The following ATP8A2 variants were observed in gnomAD, a reference collection of about 807,000 sequenced individuals.
ATP8A2 encodes the protein ATPase phospholipid transporting 8A2.
In ATP8A2, 100 loss-of-function variants were observed where a neutral mutation model predicts 165.6. That is an observed-to-expected ratio of 0.60 (90% CI 0.51 to 0.71). The LOEUF is 0.71. Among genes scored for constraint, ATP8A2 ranks in the 30% least tolerant of loss-of-function variants. The pLI is 0.00. For missense variants in ATP8A2, 1,227 were observed against 1,479.5 expected (o/e 0.83, Z 2.80); for synonymous variants, 543 against 548.8 (o/e 0.99, Z 0.15).
chr13:25,629,947 C>G (rs139197224), intron 24 of ATP8A2, among the ~76,000 whole-genome samples: 2 of 152,164 alleles, frequency 1.3e-5, no homozygotes, highest in Non-Finnish European at 2.9e-5. Flanking sequence ...GCAAAGTCAA[C>G]GACTTTAGAG....
intron 1 of ATP8A2, among the ~76,000 whole-genome samples, chr13:25,403,150 G>C (rs369931442): frequency 6.6e-6 from 1 of 152,092 alleles, no homozygotes. Flanking sequence ...CAAGCATTCC[G>C]ACCACAGCAC....
rs2037999165 is a variant in ATP8A2 at position 25,530,576 on chromosome 13, A to G, written c.336A>G (p.Val112=). ...FIALLQQIPD[V]SPTGRYTTLV... ...TTATCTTCCAGCAAATTCCAGATGT[A>G]TCTCCAACAGGAAGATATACCACCC... Residue 112 remains valine (V), a synonymous_variant, in exon 4 of 37, where the codon GTA becomes GTG. Coordinates refer to ENST00000381655, the MANE Select transcript of ATP8A2 (RefSeq NM_016529.6). 3 of 1,579,472 alleles carry G rather than the reference A, an allele frequency of 1.9e-6. No homozygotes were observed. Among genetic ancestry groups the G allele is most frequent in the South Asian group, 2.3e-5 (2 of 87,072 alleles).
At chr13:25,846,846 T>G (rs1333626476) in intron 30 of ATP8A2, among the ~76,000 whole-genome samples, 1 of 152,168 alleles carries the variant, frequency 6.6e-6, no homozygotes, top group Non-Finnish European at 1.5e-5. Flanking sequence ...AATAATCCCC[T>G]TCTCCACCTG....
At chr13:25,509,120 G>A (rs1234174387) in intron 2 of ATP8A2, among the ~76,000 whole-genome samples, 2 of 152,124 alleles carry the variant, frequency 1.3e-5, no homozygotes, top group East Asian at 3.9e-4. Context: ...GTTATGATAT[G>A]GTGTAGCATT....
chr13:25,563,224 A>T (rs968796009), intron 15 of ATP8A2, among the ~76,000 whole-genome samples: 2 of 152,182 alleles, frequency 1.3e-5, no homozygotes. Context: ...AGCCTGACCG[A>T]CATGGCAAAA....
chr13:25,886,706 C>T (rs1198777493), intron 33 of ATP8A2, among the ~76,000 whole-genome samples: 3 of 152,212 alleles, frequency 2.0e-5, no homozygotes, highest in African/African-American at 7.2e-5. Flanking sequence ...TTCGTGCCAT[C>T]TGATAGCTGT....
intron 6 of ATP8A2, among the ~76,000 whole-genome samples, chr13:25,535,174 A>G (rs527669175): frequency 6.6e-6 from 1 of 152,304 alleles, no homozygotes; most frequent in South Asian, 2.1e-4. Flanking sequence ...GAGTAGTTCA[A>G]TGTGAGGATG....
chr13:25,461,590 C>T (rs1322720298), intron 1 of ATP8A2, among the ~76,000 whole-genome samples: 1 of 152,118 alleles, frequency 6.6e-6, no homozygotes. Flanking sequence ...ACATACTTTT[C>T]AAGTACCTAA....
intron 24 of ATP8A2, among the ~76,000 whole-genome samples, chr13:25,628,080 A>G (rs981300663): frequency 2.0e-5 from 3 of 152,132 alleles, no homozygotes; most frequent in African/African-American, 7.2e-5. Context: ...TCATTCTCCC[A>G]CTTTACTGTT....
chr13:25,998,676 C>T (rs1186459373), intron 35 of ATP8A2, among the ~76,000 whole-genome samples: 2 of 152,108 alleles, frequency 1.3e-5, no homozygotes, highest in African/African-American at 4.8e-5. Context: ...CTCTCCAGTG[C>T]CCAGTTTTTA....
chr13:25,858,495 C>G (rs1476049929), intron 30 of ATP8A2, among the ~76,000 whole-genome samples: 4 of 152,204 alleles, frequency 2.6e-5, no homozygotes, highest in Non-Finnish European at 5.9e-5. Flanking sequence ...TTCATCTTCC[C>G]TTATCCACAG....
intron 1 of ATP8A2, among the ~76,000 whole-genome samples, chr13:25,395,520 G>A (rs570857509): frequency 4.6e-4 from 70 of 152,214 alleles, no homozygotes; most frequent in African/African-American, 1.5e-3. Context: ...AAAAGATAAA[G>A]GAAAATTGTC....
chr13:25,499,081 G>GC (rs2036769129), intron 2 of ATP8A2, among the ~76,000 whole-genome samples: 2 of 152,148 alleles, frequency 1.3e-5, no homozygotes, highest in Non-Finnish European at 2.9e-5. Context: ...GGGGATAACT[G>GC]CCCCCAAGAT....
intron 33 of ATP8A2, among the ~76,000 whole-genome samples, chr13:25,864,026 C>A (rs947582076): frequency 6.6e-6 from 1 of 152,178 alleles, no homozygotes; most frequent in African/African-American, 2.4e-5. Context: ...TGTGATTGAT[C>A]CCCACAAAAA....
At chr13:25,460,672 A>AAGACT (rs2035480361) in intron 1 of ATP8A2, among the ~76,000 whole-genome samples, 1 of 152,210 alleles carries the variant, frequency 6.6e-6, no homozygotes, top group African/African-American at 2.4e-5. Flanking sequence ...TATTGGAAAC[A>AAGACT]AGACTTCAAA....
intron 30 of ATP8A2, among the ~76,000 whole-genome samples, chr13:25,859,090 C>T (rs1952259690): frequency 6.6e-6 from 1 of 152,068 alleles, no homozygotes; most frequent in African/African-American, 2.4e-5. Context: ...GTAATCCCAG[C>T]TACTTGGGAG....
In ATP8A2 at chr13:25,469,161, T is replaced by A. The variant is rs1268771022; in HGVS notation, c.221+40T>A. On this transcript the variant is annotated intron_variant, in intron 2 of 36. Coordinates refer to ENST00000381655, the MANE Select transcript of ATP8A2 (RefSeq NM_016529.6). ...CCGGCTCGCGCGGAAGGCGGTGGAGTCACAGCTGGGAAGGGGCTCGTCCTC... is the reference window on the plus strand; with the variant it reads ...CCGGCTCGCGCGGAAGGCGGTGGAGACACAGCTGGGAAGGGGCTCGTCCTC... The A allele has an allele frequency of 4.4e-6, 7 of 1,606,270 alleles. No individual in the cohort carries two copies. The African/African-American group carries it at 6.7e-5, about 15-fold the overall frequency.
intron 33 of ATP8A2, among the ~76,000 whole-genome samples, chr13:25,901,420 A>C (rs1368750049): frequency 2.6e-5 from 4 of 151,508 alleles, no homozygotes; most frequent in African/African-American, 9.7e-5. Context: ...AAAAAAAAAA[A>C]CCACATGTTA....
intron 33 of ATP8A2, among the ~76,000 whole-genome samples, chr13:25,952,972 A>T (rs1955411173): frequency 6.6e-6 from 1 of 152,186 alleles, no homozygotes; most frequent in Non-Finnish European, 1.5e-5. Context: ...AAAACAATAC[A>T]AAGAAGCTCC....
Sources: gnomAD v4.1 joint callset for allele counts (sites outside exome capture counted in the v4.1 genomes callset) on GRCh38, gnomAD v4.1.1 for gene constraint, MANE v1.5 for transcripts, NCBI Gene and HGNC (gene_info 2026-07-23, HGNC 2026-07-21) for gene names.